Variants in NDUFAF6 observed in about 807,000 individuals in gnomAD.
NDUFAF6 encodes the protein NADH dehydrogenase (ubiquinone) complex I, assembly factor 6.
Under a neutral mutation model 40.8 loss-of-function variants are expected in NDUFAF6, and 45 were observed. The observed-to-expected ratio is 1.10, with a 90% CI of 0.87 to 1.42. The LOEUF (loss-of-function observed/expected upper bound fraction) is 1.42. Ranked by LOEUF, NDUFAF6 falls within the 40% of genes most tolerant of loss-of-function variation. The pLI, the probability that NDUFAF6 is intolerant of heterozygous loss-of-function variation, is 0.00. For missense variants in NDUFAF6, 435 were observed against 418.5 expected (o/e 1.04, Z -0.34); for synonymous variants, 185 against 155.9 (o/e 1.19, Z -1.39).
upstream of NDUFAF6, among the ~76,000 whole-genome samples, chr8:94,953,252 C>A (rs1250069949): frequency 1.3e-5 from 2 of 151,690 alleles, no homozygotes; most frequent in African/African-American, 4.8e-5. Context: ...GAAGCTGAGG[C>A]AGGAGAATCG....
At chr8:95,081,034 C>A (rs1023560021), downstream of NDUFAF6, among the ~76,000 whole-genome samples, 4 of 151,940 alleles carry the variant, frequency 2.6e-5, no homozygotes, top group Non-Finnish European at 5.9e-5. Context: ...AAATACTGAG[C>A]CTGCATGTTG....
At chr8:94,940,020 T>C in intron 1 of NDUFAF6, 1 of 1,614,086 alleles carries the variant, frequency 6.2e-7, no homozygotes, top group South Asian at 1.1e-5. Flanking sequence ...CCACCTGCAG[T>C]AAAACATGGG....
chr8:94,967,860 G>A (rs774517701), intron 1 of NDUFAF6, among the ~76,000 whole-genome samples: 2 of 151,662 alleles, frequency 1.3e-5, no homozygotes, highest in Non-Finnish European at 2.9e-5. Context: ...AGAATCGTTC[G>A]AACCTGCGAG....
At chr8:95,040,961 C>G (rs2131848067) in intron 3 of NDUFAF6, 1 of 152,392 alleles carries the variant, frequency 6.6e-6, no homozygotes, top group East Asian at 1.9e-4. Flanking sequence ...TCTTTACTTG[C>G]TAAGGTAACA....
intron 2 of NDUFAF6, among the ~76,000 whole-genome samples, chr8:95,000,203 G>A: frequency 6.6e-6 from 1 of 152,162 alleles, no homozygotes. Flanking sequence ...TGGGTGTGGT[G>A]GTGCATGCCT....
At chr8:95,099,383 C>A (rs1260350622), upstream of NDUFAF6, among the ~76,000 whole-genome samples, 1 of 151,052 alleles carries the variant, frequency 6.6e-6, no homozygotes, top group Non-Finnish European at 1.5e-5. Flanking sequence ...CTCATCTGTG[C>A]CTTCCTCCAT....
chr8:94,969,096 G>C (rs1824254058), intron 1 of NDUFAF6, among the ~76,000 whole-genome samples: 1 of 152,168 alleles, frequency 6.6e-6, no homozygotes, highest in Non-Finnish European at 1.5e-5. Flanking sequence ...CCGATGAGAG[G>C]TGGAGGCTGG....
chr8:94,956,080 A>G (rs1823044165), upstream of NDUFAF6, among the ~76,000 whole-genome samples: 2 of 152,224 alleles, frequency 1.3e-5, no homozygotes, highest in South Asian at 4.1e-4. Flanking sequence ...TGCAAGCTGA[A>G]TGACTTTAGG....
chr8:94,928,689 A>T (rs1201009452), intron 1 of NDUFAF6: 2 of 152,236 alleles, frequency 1.3e-5, no homozygotes, highest in African/African-American at 4.8e-5. Flanking sequence ...GAACAATGTA[A>T]AACCTCCATC....
intron 1 of NDUFAF6, among the ~76,000 whole-genome samples, chr8:94,980,629 A>AG (rs1222114607): frequency 1.1e-4 from 1 of 9,284 alleles, no homozygotes; most frequent in Non-Finnish European, 2.4e-4. Flanking sequence ...TTTTTTTAGT[A>AG]GGGGGGTGGG....
At chr8:95,015,138 G>T (rs1418330233) in intron 2 of NDUFAF6, among the ~76,000 whole-genome samples, 2 of 152,210 alleles carry the variant, frequency 1.3e-5, no homozygotes, top group East Asian at 3.9e-4. Context: ...AGTTCTGTCA[G>T]GGTGGTGTTG....
intron 9 of NDUFAF6, among the ~76,000 whole-genome samples, chr8:95,070,667 A>G (rs577561835): frequency 3.1e-4 from 47 of 152,382 alleles, no homozygotes; most frequent in African/African-American, 1.1e-3. Context: ...TTCAGAAGCT[A>G]TATTTGAAAT....
chr8:94,905,079 A>T (rs183843278), intron 1 of NDUFAF6, among the ~76,000 whole-genome samples: 204 of 152,222 alleles, frequency 1.3e-3, no homozygotes, highest in African/African-American at 4.7e-3. Flanking sequence ...GCATACCTGT[A>T]ATCCCAGCTA....
intron 1 of NDUFAF6, among the ~76,000 whole-genome samples, chr8:94,898,497 G>T (rs1421154460): frequency 6.6e-6 from 1 of 152,152 alleles, no homozygotes; most frequent in East Asian, 1.9e-4. Flanking sequence ...AGATCATAGA[G>T]ATAAAGTACC....
At chr8:95,033,235 G>A (rs192394806) in intron 2 of NDUFAF6, among the ~76,000 whole-genome samples, 170 of 152,048 alleles carry the variant, frequency 1.1e-3, no homozygotes, top group African/African-American at 3.9e-3. Flanking sequence ...TTTAGAGACA[G>A]AGTCTTGCTA....
intron 2 of NDUFAF6, among the ~76,000 whole-genome samples, chr8:94,994,466 G>A (rs1018297605): frequency 5.3e-4 from 80 of 151,504 alleles, no homozygotes; most frequent in Non-Finnish European, 7.2e-4. Flanking sequence ...CAGGAGAATC[G>A]CTTCAACCTG....
chr8:94,981,071 C>CA (rs1825404677), intron 2 of NDUFAF6: 1 of 429,922 alleles, frequency 2.3e-6, no homozygotes, highest in African/African-American at 2.0e-5. Context: ...TTTATCCCCA[C>CA]AAAACTCACG....
chr8:95,005,854 C>G (rs1020601773), intron 2 of NDUFAF6, among the ~76,000 whole-genome samples: 1 of 151,952 alleles, frequency 6.6e-6, no homozygotes. Context: ...TAAGAGGAAC[C>G]AGAATGGTTT....
At chr8:95,011,287 G>T (rs1000554454) in intron 2 of NDUFAF6, among the ~76,000 whole-genome samples, 5 of 152,132 alleles carry the variant, frequency 3.3e-5, no homozygotes, top group African/African-American at 1.2e-4. Flanking sequence ...CCCTCATCTT[G>T]TCCCTTTCCC....
Sources: gnomAD v4.1 joint callset for allele counts (sites outside exome capture counted in the v4.1 genomes callset) on GRCh38, gnomAD v4.1.1 for gene constraint, MANE v1.5 for transcripts, NCBI Gene and HGNC (gene_info 2026-07-23, HGNC 2026-07-21) for gene names.